Variants in CASTOR1 observed in about 807,000 individuals in gnomAD.
The protein encoded by CASTOR1 is cytosolic arginine sensor for mTORC1 subunit 1.
Under a neutral mutation model 33.7 loss-of-function variants are expected in CASTOR1, and 18 were observed. That is an observed-to-expected ratio of 0.53 (90% confidence interval 0.37 to 0.79). CASTOR1 has a LOEUF of 0.79. CASTOR1 is among the 30% of genes least tolerant of loss of function. The pLI is 0.00. For synonymous variants in CASTOR1, 175 were observed against 190.6 expected, an observed-to-expected ratio of 0.92 and a Z score of 0.67; for missense variants, 362 against 446.3, an observed-to-expected ratio of 0.81 and a Z score of 1.70.
chr22:30,288,564 T>G, intron 2 of CASTOR1, 142 bp downstream of exon 2: 2 of 633,686 alleles, frequency 3.2e-6, no homozygotes, highest in Non-Finnish European at 5.6e-6. Context: ...AGCCAGGGAG[T>G]GGTGGAGTAG....
rs760113556 is a variant in CASTOR1, at chr22:30,285,886, A to C, written c.867T>G (p.Ala289=). The C allele has an allele frequency of 1.2e-6, 2 of 1,610,084 alleles. No homozygotes were observed. Among genetic ancestry groups the C allele is most frequent in the Non-Finnish European group, 8.5e-7 (1 of 1,178,622 alleles). Residue 289 remains alanine (A), a synonymous_variant, in exon 8 of 9, where the codon GCT becomes GCG. Coordinates refer to ENST00000407689, the MANE Select transcript of CASTOR1 (RefSeq NM_001037666.3). ...GIVAQIAGPL[A]AADISAYYIS... Reference sequence around the variant, plus strand: ...TGTAGTAGGCAGAGATGTCAGCGGCAGCCAGGGGACCTGCAATCTGTGCCA... The same window carrying C: ...TGTAGTAGGCAGAGATGTCAGCGGCCGCCAGGGGACCTGCAATCTGTGCCA...
chr22:30,288,772 T>G lies in CASTOR1; in HGVS notation c.118A>C (p.Lys40Gln), dbSNP rs771802454. ...LLFLPRRSRC[K>Q]FFSLTETPED... ...GGGGTCTCCGTCAGGCTGAAGAACT[T>G]GCACCTGGTTGGGGGTGGGGAGCAT... Residue 40 changes from lysine (K) to glutamine (Q), a missense_variant, in exon 2 of 9, where the codon AAG becomes CAG. Lys to Gln is a moderately conservative substitution (Grantham distance 53). Coordinates refer to ENST00000407689, the MANE Select transcript of CASTOR1 (RefSeq NM_001037666.3). 6.2e-7 allele frequency: 1 copy of G among 1,611,126 alleles called. No individual in the cohort carries two copies. The highest frequency in any genetic ancestry group is 1.1e-5 in the South Asian group (1 of 90,808).
At position 30,289,420 on chromosome 22, in the gene CASTOR1, C is replaced by T. The variant is rs757024326; in HGVS notation, c.78G>A (p.Pro26=). 11 of 1,599,484 alleles carry T rather than the reference C, an allele frequency of 6.9e-6. No homozygotes were observed. In the Admixed American group the frequency reaches 1.7e-4, roughly 25 times the overall value. ...ARPGLWLYTH[P]LIKLLFLPRR... is the part of the protein sequence containing the mutation. ...GGGGCAGGAAGAGCAGCTTGATGAGCGGGTGGGTGTAGAGCCAGAGACCGG... is the reference window on the plus strand; with the variant it reads ...GGGGCAGGAAGAGCAGCTTGATGAGTGGGTGGGTGTAGAGCCAGAGACCGG... Residue 26 remains proline, a synonymous_variant, in exon 1 of 9, where the codon CCG becomes CCA. Transcript: ENST00000407689.
rs368691456 is a variant in CASTOR1, at chr22:30,285,588, G to T, written c.*32C>A. ...TCTTTGGAAGCCTGGGTCGAGGGGAGAGCAGGGAGGCTGCTCTGTTGCCCA... is the reference window on the plus strand; with the variant it reads ...TCTTTGGAAGCCTGGGTCGAGGGGATAGCAGGGAGGCTGCTCTGTTGCCCA... On this transcript the variant is annotated 3_prime_UTR_variant, in exon 9 of 9. Coordinates refer to ENST00000407689, the MANE Select transcript of CASTOR1 (RefSeq NM_001037666.3). The T allele has an allele frequency of 3.6e-5, 55 of 1,506,998 alleles. No homozygotes were observed. Among genetic ancestry groups the T allele is most frequent in the Non-Finnish European group, 4.8e-5 (53 of 1,110,236 alleles). 93.4% of individuals were successfully genotyped at this position (1,506,998 alleles called of 1,614,324 possible).
Position 30,286,243 on chromosome 22 carries a change from C to T in CASTOR1, c.743+20G>A, listed in dbSNP as rs754000045. 10 of 1,585,286 alleles carry T rather than the reference C, an allele frequency of 6.3e-6. No individual in the cohort carries two copies. Among genetic ancestry groups the T allele is most frequent in the Middle Eastern group, 1.7e-4 (1 of 6,008 alleles). ...GACTGGCTGGGGCCTGGGGCCCACC[C>T]GGGGTCAGGGGTCACCTACTTTTTC... On this transcript the variant is annotated intron_variant, in intron 6 of 8. Coordinates refer to ENST00000407689, the MANE Select transcript of CASTOR1 (RefSeq NM_001037666.3).
At chr22:30,285,978 A>C (rs1929751400) in intron 7 of CASTOR1, 38 bp downstream of exon 7, 1 of 1,580,450 alleles carries the variant, frequency 6.3e-7, no homozygotes, top group South Asian at 1.2e-5. Context: ...TGCTCCCCAG[A>C]CACTCCCCAG....
chr22:30,288,924 T>C, intron 1 of CASTOR1, 148 bp from the exon 2 acceptor site: 1 of 608,936 alleles, frequency 1.6e-6, no homozygotes, highest in Non-Finnish European at 2.8e-6. Flanking sequence ...GCCAATGGGA[T>C]GTTAGCCCCA....
chr22:30,286,459 G>A (rs774299449), intron 5 of CASTOR1, 83 bp from the exon 6 acceptor site: 170 of 962,430 alleles, frequency 1.8e-4, no homozygotes, highest in Non-Finnish European at 2.1e-4. Context: ...AGAACCCTGG[G>A]AAGGAGCTGG....
In CASTOR1 at chr22:30,286,370, G is replaced by A; in HGVS notation, c.636C>T (p.Pro212=). The A allele has an allele frequency of 6.2e-7, 1 of 1,611,064 alleles. No homozygotes were observed. Among genetic ancestry groups the A allele is most frequent in the African/African-American group, 1.3e-5 (1 of 75,014 alleles). ...CAGGACTGCTAGAGGCTGCCTCCTT[G>A]GGGGTGCTGGGGAGGGATGGGAGGT... ...IDVLFYSHST[P]KEAASSSPEP... Residue 212 remains proline, a synonymous_variant, in exon 6 of 9, where the codon CCC becomes CCT. Transcript: ENST00000407689.
In CASTOR1 at chr22:30,285,724, G is replaced by A. The variant is rs376142410; in HGVS notation, c.922-36C>T. ...GTGGGCAGGAGGGAAGGGTCAAGGC[G>A]GAAGCTGGCCAGGGCCACCCCTGAC... On this transcript the variant is annotated intron_variant, in intron 8 of 8. Coordinates refer to ENST00000407689, the MANE Select transcript of CASTOR1 (RefSeq NM_001037666.3). The A allele has an allele frequency of 2.2e-4, 340 of 1,541,652 alleles. No homozygotes were observed. In the African/African-American group the frequency reaches 3.7e-3, roughly 17 times the overall value.
chr22:30,285,267 GC>G lies in CASTOR1; in HGVS notation c.*352del. 2 of 210,210 alleles carry G rather than the reference GC, an allele frequency of 9.5e-6. No individual in the cohort carries two copies. Among genetic ancestry groups the G allele is most frequent in the Non-Finnish European group, 9.5e-6 (1 of 105,704 alleles). 13.0% of individuals were successfully genotyped at this position (210,210 alleles called of 1,614,324 possible). On this transcript the variant is annotated 3_prime_UTR_variant, in exon 9 of 9. Coordinates refer to ENST00000407689, the MANE Select transcript of CASTOR1 (RefSeq NM_001037666.3). ...CCCACCAGAGGCAGAACGGAGGTCA[GC>G]GGGGCAGCTGGCCCAGGAAGCCTTT...
At chr22:30,286,753 A>G in intron 5 of CASTOR1, 72 bp downstream of exon 5, 1 of 1,594,786 alleles carries the variant, frequency 6.3e-7, no homozygotes, top group Non-Finnish European at 8.6e-7. Flanking sequence ...AAACTGATAG[A>G]TGGGCGGAAA....
chr22:30,285,438 T>C lies in CASTOR1; in HGVS notation c.*182A>G. 1 of 559,962 alleles carries C rather than the reference T, an allele frequency of 1.8e-6. No individual in the cohort carries two copies. Among genetic ancestry groups the C allele is most frequent in the Non-Finnish European group, 3.2e-6 (1 of 317,228 alleles). 34.7% of individuals were successfully genotyped at this position (559,962 alleles called of 1,614,324 possible). On this transcript the variant is annotated 3_prime_UTR_variant, in exon 9 of 9. Transcript: ENST00000407689. ...GGCTAGCACCTGCCCACTCCACCTG[T>C]GAGTGTACACAGGTGTCCGCGTAAA... is the stretch of plus-strand genomic sequence containing the variant.
chr22:30,288,990 C>A (rs1221801568), intron 1 of CASTOR1: 1 of 559,144 alleles, frequency 1.8e-6, no homozygotes, highest in Non-Finnish European at 3.2e-6. Context: ...AACCCTCCAC[C>A]CCTCCACTCC....
chr22:30,289,332 AGC>A (rs1929874218), intron 1 of CASTOR1, 51 bp downstream of exon 1: 8 of 1,285,776 alleles, frequency 6.2e-6, no homozygotes, highest in Non-Finnish European at 8.8e-6. Context: ...CCTGGCCCGG[AGC>A]GAGAGCAGAG....
intron 1 of CASTOR1, 44 bp downstream of exon 1, chr22:30,289,341 A>T (rs769907390): frequency 7.4e-7 from 1 of 1,353,172 alleles, no homozygotes; most frequent in East Asian, 2.4e-5. Context: ...GAGCGAGAGC[A>T]GAGCCCCCAG....
chr22:30,286,229 G>A (rs1929761498), intron 6 of CASTOR1, 34 bp downstream of exon 6: 2 of 1,539,262 alleles, frequency 1.3e-6, no homozygotes, highest in African/African-American at 2.7e-5. Flanking sequence ...ACTGGCTGGG[G>A]CCTGGGGCCC....
At chr22:30,288,599 TTTAAGGC>T in intron 2 of CASTOR1, 100 bp downstream of exon 2, 1 of 961,814 alleles carries the variant, frequency 1.0e-6, no homozygotes, top group Non-Finnish European at 1.6e-6. Context: ...CCCATCTGCT[TTTAAGGC>T]TTAAGCTCTT....
At chr22:30,289,302 G>T (rs537505499) in intron 1 of CASTOR1, 83 bp downstream of exon 1, 2 of 1,051,844 alleles carry the variant, frequency 1.9e-6, no homozygotes, top group Non-Finnish European at 1.4e-6. Context: ...CCTGCCTTAC[G>T]GCGATCCTAA....
Sources: gnomAD v4.1 joint callset for allele counts on GRCh38, gnomAD v4.1.1 for gene constraint, MANE v1.5 for transcripts, NCBI Gene and HGNC (gene_info 2026-07-23, HGNC 2026-07-21) for gene names.